Variants in TLR4 observed in about 807,000 individuals in gnomAD.
TLR4 encodes toll-like receptor 4.
TLR4 carries 17 observed loss-of-function variants against 27.4 expected under a neutral mutation model. That is an observed-to-expected ratio of 0.62 (90% CI 0.42 to 0.93). TLR4 has a LOEUF of 0.93. TLR4 is among the 40% of genes least tolerant of loss of function. TLR4 has a pLI of 0.00. For synonymous variants in TLR4, 363 were observed against 365.7 expected, an observed-to-expected ratio of 0.99 and a Z score of 0.08; for missense variants, 926 against 962.3, an observed-to-expected ratio of 0.96 and a Z score of 0.50.
intron 2 of TLR4, among the ~76,000 whole-genome samples, chr9:117,709,682 T>C (rs2131166373): frequency 6.6e-6 from 1 of 152,294 alleles, no homozygotes; most frequent in Non-Finnish European, 1.5e-5. Flanking sequence ...AAATTATTGA[T>C]AAAGACTAAG....
intron 2 of TLR4, among the ~76,000 whole-genome samples, chr9:117,709,378 T>G (rs929166024): frequency 6.6e-6 from 1 of 152,014 alleles, no homozygotes; most frequent in South Asian, 2.1e-4. Context: ...TTAAAACTAG[T>G]GTACAGGATA....
In TLR4 at chr9:117,714,741, G is replaced by T. The variant is rs957637673; in HGVS notation, c.*93G>T. 11 of 1,110,268 alleles carry T rather than the reference G, an allele frequency of 9.9e-6. No homozygotes were observed. The highest frequency in any genetic ancestry group is 1.3e-5 in the Non-Finnish European group (10 of 747,070). 68.8% of individuals were successfully genotyped at this position (1,110,268 alleles called of 1,614,324 possible). On this transcript the variant is annotated 3_prime_UTR_variant, in exon 3 of 3. Transcript: ENST00000355622. Reference sequence around the variant, plus strand: ...AGTATTAAATGCTGCCACATGTCAGGCCTTATGCTAAGGGTGAGTAATTCC... The same window carrying T: ...AGTATTAAATGCTGCCACATGTCAGTCCTTATGCTAAGGGTGAGTAATTCC...
At chr9:117,705,612 C>T (rs1211408136) in intron 1 of TLR4, among the ~76,000 whole-genome samples, 1 of 152,180 alleles carries the variant, frequency 6.6e-6, no homozygotes, top group African/African-American at 2.4e-5. Flanking sequence ...GAAGCCTGTC[C>T]ATCCCTGCCC....
rs1404214104 is a variant in TLR4, at chr9:117,720,974, A to G, written c.*6326A>G. 1 of 152,214 alleles carries G rather than the reference A, an allele frequency of 6.6e-6. No homozygotes were observed. Among genetic ancestry groups the G allele is most frequent in the Non-Finnish European group, 1.5e-5 (1 of 68,030 alleles). The allele number at this position is 152,214 out of a possible 1,614,324, so 9.4% of individuals were successfully genotyped here. On this transcript the variant is annotated 3_prime_UTR_variant, in exon 3 of 3. Transcript: ENST00000355622. ...TGGGATTCCCTAGGAGACACTATATAAAAATATAGAGTTAAAAAAACTATT... is the reference window on the plus strand; with the variant it reads ...TGGGATTCCCTAGGAGACACTATATGAAAATATAGAGTTAAAAAAACTATT...
In TLR4 at chr9:117,719,475, T is replaced by A. The variant is rs1366834218; in HGVS notation, c.*4827T>A. The A allele has an allele frequency of 6.6e-6, 1 of 152,186 alleles. No homozygotes were observed. The highest frequency in any genetic ancestry group is 1.5e-5 in the Non-Finnish European group (1 of 68,032). The allele number at this position is 152,186 out of a possible 1,614,324, so 9.4% of individuals were successfully genotyped here. ...ATGCATAAAACTTCCTATCTCACCA[T>A]TATAATTTTGACTGATATTAAACAA... On this transcript the variant is annotated 3_prime_UTR_variant, in exon 3 of 3. Transcript: ENST00000355622.
chr9:117,712,373 C>T lies in TLR4; in HGVS notation c.261-16C>T, dbSNP rs781025878. 101 of 1,608,296 alleles carry T rather than the reference C, an allele frequency of 6.3e-5. No homozygotes were observed. The East Asian group carries it at 2.1e-3, about 34-fold the overall frequency. On this transcript the variant is annotated splice_polypyrimidine_tract_variant and intron_variant, in intron 2 of 2. Coordinates refer to ENST00000355622, the MANE Select transcript of TLR4 (RefSeq NM_138554.5). ...AGCAGAAATATTAGATAATCAATGT[C>T]TTTTTATTCCTGTAGGTGTGAAATC... is the stretch of plus-strand genomic sequence containing the variant.
Position 117,721,515 on chromosome 9 carries a change from T to C in TLR4, c.*6867T>C, listed in dbSNP as rs1438431559. ...AATACAACGATTAAAATGGAAACCA[T>C]ATATGAAGATGACAAAGTTGAGCAG... On this transcript the variant is annotated 3_prime_UTR_variant, in exon 3 of 3. Coordinates refer to ENST00000355622, the MANE Select transcript of TLR4 (RefSeq NM_138554.5). 5.9e-5 allele frequency: 9 copies of C among 152,202 alleles called. No homozygotes were observed. Among genetic ancestry groups the C allele is most frequent in the Admixed American group, 5.2e-4 (8 of 15,276 alleles). The allele number at this position is 152,202 out of a possible 1,614,324, so 9.4% of individuals were successfully genotyped here. A position where few individuals can be genotyped will look rare whatever the true frequency, so the allele number is the denominator to read the frequency against.
chr9:117,704,653 A>G (rs1238908655), intron 1 of TLR4, 88 bp downstream of exon 1: 5 of 468,822 alleles, frequency 1.1e-5, no homozygotes, highest in Non-Finnish European at 1.6e-5. Context: ...TATTTTTGCA[A>G]AAAAAAAAAA....
In TLR4 at chr9:117,709,505, C is replaced by T. The variant is rs144008955; in HGVS notation, c.260+776C>T. On this transcript the variant is annotated intron_variant, in intron 2 of 2. Transcript: ENST00000355622. ...TCTTTTCTGATGCAGGGAAGTATATCGTTTGTTGTGGCAGGTGAAATGTCA... is the reference window on the plus strand; with the variant it reads ...TCTTTTCTGATGCAGGGAAGTATATTGTTTGTTGTGGCAGGTGAAATGTCA... Among the ~76,000 whole-genome samples the T allele has an allele frequency of 1.6e-3, 245 of 152,074 alleles. 1 individual carries two copies. Among genetic ancestry groups the T allele is most frequent in the African/African-American group, 5.1e-3 (213 of 41,496 alleles).
chr9:117,708,310 A>G (rs1829170613), intron 1 of TLR4: 5 of 1,271,966 alleles, frequency 3.9e-6, no homozygotes, highest in South Asian at 1.7e-5. Flanking sequence ...CTGCCGTTTT[A>G]TCACGGAGGT....
rs1185349590 is a variant in TLR4 at position 117,718,031 on chromosome 9, A to G, written c.*3383A>G. 1 of 152,214 alleles carries G rather than the reference A, an allele frequency of 6.6e-6. No homozygotes were observed. The highest frequency in any genetic ancestry group is 1.5e-5 in the Non-Finnish European group (1 of 68,026). 9.4% of individuals were successfully genotyped at this position (152,214 alleles called of 1,614,324 possible). On this transcript the variant is annotated 3_prime_UTR_variant, in exon 3 of 3. Coordinates refer to ENST00000355622, the MANE Select transcript of TLR4 (RefSeq NM_138554.5). The stretch of plus-strand genomic sequence containing the variant: ...AATTGTAATGCCTTAAATTTGTGTG[A>G]TACCTTACAACTTGAAACATATTCA...
chr9:117,711,981 A>C lies in TLR4; in HGVS notation c.261-408A>C, dbSNP rs556624926. Reference sequence around the variant, plus strand: ...TTATCTTGGCTACCAACTAACAACTATCCATATTATCTGTACCAATCAGAT... The same window carrying C: ...TTATCTTGGCTACCAACTAACAACTCTCCATATTATCTGTACCAATCAGAT... On this transcript the variant is annotated intron_variant, in intron 2 of 2. Coordinates refer to ENST00000355622, the MANE Select transcript of TLR4 (RefSeq NM_138554.5). Among the ~76,000 whole-genome samples, 4 of 152,316 alleles carry C rather than the reference A, an allele frequency of 2.6e-5. No homozygotes were observed. In the South Asian group the frequency reaches 6.2e-4, roughly 24 times the overall value.
chr9:117,712,313 G>T, intron 2 of TLR4, 76 bp from the exon 3 acceptor site: 1 of 1,388,098 alleles, frequency 7.2e-7, no homozygotes, highest in South Asian at 1.2e-5. Flanking sequence ...AGAGCTGGAT[G>T]ACTAGGATTA....
rs530303107 is a variant in TLR4 at position 117,721,689 on chromosome 9, A to C, written c.*7041A>C. 1.3e-5 allele frequency: 2 copies of C among 152,340 alleles called. No individual in the cohort carries two copies. Among genetic ancestry groups the C allele is most frequent in the Non-Finnish European group, 2.9e-5 (2 of 68,034 alleles). The allele number at this position is 152,340 out of a possible 1,614,324, so 9.4% of individuals were successfully genotyped here. ...AAATTCTGGTTCAATATCAGAGGTT[A>C]GTCCTAAGGAATTTATATTTTAAAA... On this transcript the variant is annotated 3_prime_UTR_variant, in exon 3 of 3. Transcript: ENST00000355622.
chr9:117,714,845 G>C lies in TLR4; in HGVS notation c.*197G>C. 1.6e-6 allele frequency: 1 copy of C among 613,312 alleles called. No individual in the cohort carries two copies. Among genetic ancestry groups the C allele is most frequent in the East Asian group, 2.8e-5 (1 of 35,746 alleles). 38.0% of individuals were successfully genotyped at this position (613,312 alleles called of 1,614,324 possible). ...GGAATAAATGCTAGACTAAAATACA[G>C]AGTCTTCCAGGTGGGCATTTCAACC... On this transcript the variant is annotated 3_prime_UTR_variant, in exon 3 of 3. Coordinates refer to ENST00000355622, the MANE Select transcript of TLR4 (RefSeq NM_138554.5).
chr9:117,708,766 G>T, intron 2 of TLR4, 37 bp downstream of exon 2: 1 of 1,612,570 alleles, frequency 6.2e-7, no homozygotes, highest in Non-Finnish European at 8.5e-7. Flanking sequence ...ACAAGGTGAG[G>T]TGTTCATTGT....
chr9:117,713,111 A>T lies in TLR4; in HGVS notation c.983A>T (p.Tyr328Phe). 6.2e-7 allele frequency: 1 copy of T among 1,612,192 alleles called. No individual in the cohort carries two copies. The highest frequency in any genetic ancestry group is 8.5e-7 in the Non-Finnish European group (1 of 1,178,784). Residue 328 changes from tyrosine to phenylalanine, a missense_variant, in exon 3 of 3, where the codon TAT (tyrosine) becomes TTT (phenylalanine). Tyr to Phe is a conservative substitution (Grantham distance 22). Coordinates refer to ENST00000355622, the MANE Select transcript of TLR4 (RefSeq NM_138554.5). ...ATTGAAAGGGTAAAAGACTTTTCTTATAATTTCGGATGGCAACATTTAGAA... is the reference window on the plus strand; with the variant it reads ...ATTGAAAGGGTAAAAGACTTTTCTTTTAATTTCGGATGGCAACATTTAGAA... ...VTIERVKDFS[Y>F]NFGWQHLELV... is the part of the protein sequence containing the mutation.
chr9:117,713,328 C>G lies in TLR4; in HGVS notation c.1200C>G (p.Ser400Arg). The change falls in exon 3 of 3, where the codon AGC (serine) becomes AGG (arginine). Residue 400 changes from serine (S) to arginine (R), a missense_variant. Ser to Arg is a moderately radical substitution (Grantham distance 110). Coordinates refer to ENST00000355622, the MANE Select transcript of TLR4 (RefSeq NM_138554.5). ...CTCAAAGTGATTTTGGGACAACCAGCCTAAAGTATTTAGATCTGAGCTTCA... is the reference window on the plus strand; with the variant it reads ...CTCAAAGTGATTTTGGGACAACCAGGCTAAAGTATTTAGATCTGAGCTTCA... ...CCSQSDFGTTSLKYLDLSFNG... is the reference protein window; with the variant it reads ...CCSQSDFGTTRLKYLDLSFNG... 1 of 1,613,944 alleles carries G rather than the reference C, an allele frequency of 6.2e-7. No homozygotes were observed. The highest frequency in any genetic ancestry group is 8.5e-7 in the Non-Finnish European group (1 of 1,179,990).
chr9:117,713,684 T>A lies in TLR4; in HGVS notation c.1556T>A (p.Leu519His). ...EQLSPTAFNS[L>H]SSLQVLNMSH... ...TTGTCTCCAACAGCATTTAACTCAC[T>A]CTCCAGTCTTCAGGTACTAAATATG... Residue 519 changes from leucine to histidine, a missense_variant, in exon 3 of 3, where the codon CTC becomes CAC. By Grantham distance (99) the Leu-to-His change is moderately conservative (BLOSUM62 -3). Coordinates refer to ENST00000355622, the MANE Select transcript of TLR4 (RefSeq NM_138554.5). The A allele has an allele frequency of 6.2e-7, 1 of 1,613,988 alleles. No individual in the cohort carries two copies. The highest frequency in any genetic ancestry group is 8.5e-7 in the Non-Finnish European group (1 of 1,179,996).
Sources: gnomAD v4.1 joint callset for allele counts (sites outside exome capture counted in the v4.1 genomes callset) on GRCh38, gnomAD v4.1.1 for gene constraint, MANE v1.5 for transcripts, NCBI Gene and HGNC (gene_info 2026-07-23, HGNC 2026-07-21) for gene names.